SCN8A: variants seen among roughly 807,000 people sequenced by gnomAD.
The protein encoded by SCN8A is sodium voltage-gated channel alpha subunit 8.
SCN8A carries 30 observed loss-of-function variants against 184.1 expected under a neutral mutation model. The ratio of observed to expected loss-of-function variants is 0.16; its 90% CI spans 0.12 to 0.22. The LOEUF is 0.22. Ranked by LOEUF, SCN8A falls within the 10% of genes least tolerant of loss-of-function variation. SCN8A has a pLI of 1.00. For synonymous variants in SCN8A, 852 were observed against 907.0 expected, an observed-to-expected ratio of 0.94 and a Z score of 1.09; for missense variants, 1,057 against 2,498.9, an observed-to-expected ratio of 0.42 and a Z score of 12.30.
At position 51,602,833 on chromosome 12, in the gene SCN8A, C is replaced by T. The variant is rs540392907; in HGVS notation, c.-55+11474C>T. Among the ~76,000 whole-genome samples the T allele has an allele frequency of 3.3e-5, 5 of 152,218 alleles. 1 individual carries two copies. The South Asian group carries it at 6.2e-4, about 19-fold the overall frequency. ...GAGACCTATTCCTATTAGAGTATTA[C>T]AGCCAAATAAACCACTACTTTCTTC... On this transcript the variant is annotated intron_variant, in intron 1 of 26. Transcript: ENST00000627620.
At chr12:51,665,933 G>T (rs1334386077) in intron 2 of SCN8A, among the ~76,000 whole-genome samples, 1 of 152,040 alleles carries the variant, frequency 6.6e-6, no homozygotes, top group Non-Finnish European at 1.5e-5. Context: ...ATGGTGGCAC[G>T]GGCCTGTAAT....
intron 6 of SCN8A, among the ~76,000 whole-genome samples, chr12:51,691,097 A>C (rs1941498492): frequency 6.6e-6 from 1 of 152,140 alleles, no homozygotes; most frequent in African/African-American, 2.4e-5. Flanking sequence ...GGAATGCCAC[A>C]TCTTTACTTT....
intron 25 of SCN8A, among the ~76,000 whole-genome samples, chr12:51,791,215 C>G (rs146982564): frequency 1.1e-4 from 16 of 152,218 alleles, no homozygotes; most frequent in Middle Eastern, 3.4e-3. Flanking sequence ...CACAACACCA[C>G]CAAAAAAACC....
chr12:51,756,453 C>G (rs1488817716), intron 14 of SCN8A, among the ~76,000 whole-genome samples: 1 of 152,220 alleles, frequency 6.6e-6, no homozygotes, highest in Non-Finnish European at 1.5e-5. Flanking sequence ...GGAGTCCCTC[C>G]TCAGCCCACT....
At position 51,806,427 on chromosome 12, in the gene SCN8A, C is replaced by T. The variant is rs1169957891; in HGVS notation, c.4941C>T (p.Ser1647=). The change falls in exon 27 of 27, where the codon TCC becomes TCT. Residue 1647 remains serine (S), a synonymous_variant. Transcript: ENST00000627620. The surrounding 1 kb of genome is among the most constrained non-coding windows in gnomAD (Gnocchi z 8.7). ...CCCTGCTCTTTGCCTTAATGATGTC[C>T]TTGCCTGCCCTGTTCAACATCGGCC... ...IRTLLFALMM[S]LPALFNIGLL... is the part of the protein sequence containing the mutation. The T allele has an allele frequency of 6.2e-7, 1 of 1,614,072 alleles. No individual in the cohort carries two copies. The highest frequency in any genetic ancestry group is 8.5e-7 in the Non-Finnish European group (1 of 1,179,914).
intron 1 of SCN8A, among the ~76,000 whole-genome samples, chr12:51,618,990 C>G (rs1442093916): frequency 6.6e-6 from 1 of 152,116 alleles, no homozygotes; most frequent in Non-Finnish European, 1.5e-5. Context: ...GTAAGTCTTC[C>G]TCAGTTACCT....
chr12:51,721,491 C>T, intron 11 of SCN8A, 55 bp from the exon 12 acceptor site: 1 of 1,514,604 alleles, frequency 6.6e-7, no homozygotes, highest in South Asian at 1.3e-5. Flanking sequence ...GTATAAAGGT[C>T]CACACTCCCG....
chr12:51,780,487 T>C (rs2138891218), intron 20 of SCN8A, among the ~76,000 whole-genome samples, 162 bp from the exon 21 acceptor site: 1 of 148,032 alleles, frequency 6.8e-6, no homozygotes, highest in Non-Finnish European at 1.5e-5. Context: ...GTTACCCACT[T>C]CCTCTACCTG....
At chr12:51,794,103 A>G (rs1565928936) in intron 25 of SCN8A, among the ~76,000 whole-genome samples, 1 of 142,940 alleles carries the variant, frequency 7.0e-6, no homozygotes, top group East Asian at 2.1e-4. Context: ...TCAAGATCGC[A>G]CCACTGCACT....
intron 16 of SCN8A, among the ~76,000 whole-genome samples, chr12:51,766,602 G>T (rs1942841846): frequency 6.6e-6 from 1 of 152,150 alleles, no homozygotes; most frequent in Non-Finnish European, 1.5e-5. Flanking sequence ...AACCATCTTA[G>T]AGTTTTATTT....
chr12:51,780,544 T>TCTC (rs1937866659), intron 20 of SCN8A, 105 bp from the exon 21 acceptor site: 1 of 838,200 alleles, frequency 1.2e-6, no homozygotes, highest in East Asian at 4.8e-5. Flanking sequence ...ATTCTAACAC[T>TCTC]CTGGAACCTC....
At position 51,662,788 on chromosome 12, in the gene SCN8A, T is replaced by C; in HGVS notation, c.-30T>C. 1 of 1,610,062 alleles carries C rather than the reference T, an allele frequency of 6.2e-7. No individual in the cohort carries two copies. Among genetic ancestry groups the C allele is most frequent in the Non-Finnish European group, 8.5e-7 (1 of 1,177,890 alleles). On this transcript the variant is annotated 5_prime_UTR_variant, in exon 2 of 27. Coordinates refer to ENST00000627620, the MANE Select transcript of SCN8A (RefSeq NM_001330260.2). Reference sequence around the variant, plus strand: ...GAGCTGACCTGTCCTGGACGCAGCATAACTAACGAAGCTGCTGCAGGATGA... The same window carrying C: ...GAGCTGACCTGTCCTGGACGCAGCACAACTAACGAAGCTGCTGCAGGATGA...
Position 51,790,436 on chromosome 12 carries a change from G to A in SCN8A, c.4458G>A (p.Lys1486=). 6.2e-7 allele frequency: 1 copy of A among 1,609,820 alleles called. No individual in the cohort carries two copies. The highest frequency in any genetic ancestry group is 1.3e-5 in the African/African-American group (1 of 74,824). ...ACATCTTCATGACCGAAGAACAGAA[G>A]AAGTACTACAATGCCATGAAAAAGC... ...GQDIFMTEEQ[K]KYYNAMKKLG... Residue 1486 remains lysine (K), a synonymous_variant, in exon 25 of 27, where the codon AAG becomes AAA. Transcript: ENST00000627620.
chr12:51,693,912 CTTTA>C (rs1235253633), intron 6 of SCN8A, among the ~76,000 whole-genome samples: 2 of 152,100 alleles, frequency 1.3e-5, no homozygotes, highest in African/African-American at 2.4e-5. Flanking sequence ...TATGAATTAG[CTTTA>C]TTTGTTTATT....
intron 12 of SCN8A, among the ~76,000 whole-genome samples, chr12:51,737,363 G>A (rs414193): frequency 0.81 from 122,974 of 152,130 alleles, 50,651 homozygotes; most frequent in East Asian, 0.9. Flanking sequence ...CTCTGGATCT[G>A]TTCTATTTAT....
At chr12:51,686,060 A>G (rs1286093861) in intron 3 of SCN8A, among the ~76,000 whole-genome samples, 1 of 152,220 alleles carries the variant, frequency 6.6e-6, no homozygotes, top group African/African-American at 2.4e-5. Flanking sequence ...AAACATTTAG[A>G]GGCTTAGTCT....
chr12:51,712,185 A>G (rs1941889506), intron 11 of SCN8A, among the ~76,000 whole-genome samples: 1 of 152,238 alleles, frequency 6.6e-6, no homozygotes, highest in Non-Finnish European at 1.5e-5. Flanking sequence ...AGGCTACAAC[A>G]GATAAAAAAC....
At chr12:51,649,285 G>A (rs939298142) in intron 1 of SCN8A, among the ~76,000 whole-genome samples, 2 of 152,284 alleles carry the variant, frequency 1.3e-5, no homozygotes, top group Admixed American at 6.5e-5. Flanking sequence ...TTTTCCAAGC[G>A]AACAATGCAA....
chr12:51,727,319 A>T (rs80094120), intron 12 of SCN8A, among the ~76,000 whole-genome samples: 1 of 152,100 alleles, frequency 6.6e-6, no homozygotes, highest in African/African-American at 2.4e-5. Context: ...TAAAAAAAAA[A>T]TACAAGGCTC....
Sources: gnomAD v4.1 joint callset for allele counts (sites outside exome capture counted in the v4.1 genomes callset) on GRCh38, gnomAD v4.1.1 for gene constraint, Gnocchi (gnomAD v3.1) non-coding constraint, MANE v1.5 for transcripts, NCBI Gene and HGNC (gene_info 2026-07-23, HGNC 2026-07-21) for gene names.